CCDC7: variants seen among roughly 807,000 people sequenced by gnomAD.
CCDC7 encodes coiled-coil domain-containing protein 7.
CCDC7 carries 183 observed loss-of-function variants against 196.9 expected under a neutral mutation model. The observed-to-expected ratio is 0.93, with a 90% CI of 0.82 to 1.05. The LOEUF is 1.05. CCDC7 is among the 50% of genes least tolerant of loss of function. The pLI, the probability that CCDC7 is intolerant of heterozygous loss-of-function variation, is 0.00. For synonymous variants in CCDC7, 525 were observed against 484.6 expected, an observed-to-expected ratio of 1.08 and a Z score of -1.10; for missense variants, 1,540 against 1,482.2, an observed-to-expected ratio of 1.04 and a Z score of -0.64.
At chr10:32,640,870 TTTTTTC>T (rs773938312) in intron 20 of CCDC7, among the ~76,000 whole-genome samples, 3,561 of 76,576 alleles carry the variant, frequency 0.047, 89 homozygotes, top group Non-Finnish European at 0.089. Context: ...TTTTCTTTTT[TTTTTTC>T]TTTTTTTTTT....
intron 11 of CCDC7, among the ~76,000 whole-genome samples, chr10:32,533,540 T>C (rs1002529133): frequency 1.3e-5 from 2 of 152,092 alleles, no homozygotes; most frequent in Non-Finnish European, 2.9e-5. Context: ...TGTTTTATTT[T>C]TTTTCAGATT....
intron 30 of CCDC7, among the ~76,000 whole-genome samples, chr10:32,812,848 A>G (rs2087465421): frequency 6.6e-6 from 1 of 152,102 alleles, no homozygotes; most frequent in African/African-American, 2.4e-5. Flanking sequence ...CTTCTTTGAT[A>G]TATCAGTTGA....
At chr10:32,594,641 A>G (rs928977894) in intron 18 of CCDC7, among the ~76,000 whole-genome samples, 1 of 152,174 alleles carries the variant, frequency 6.6e-6, no homozygotes, top group Non-Finnish European at 1.5e-5. Flanking sequence ...TTTCAAAGGG[A>G]ACACTTCCAG....
chr10:32,506,054 A>G (rs1271678643), intron 9 of CCDC7, among the ~76,000 whole-genome samples: 4 of 134,618 alleles, frequency 3.0e-5, no homozygotes, highest in Non-Finnish European at 4.7e-5. Context: ...GACGCTCCTC[A>G]GTTCCTAGAT....
chr10:32,518,039 A>G, intron 10 of CCDC7, 64 bp downstream of exon 11: 2 of 1,501,872 alleles, frequency 1.3e-6, no homozygotes, highest in Non-Finnish European at 1.8e-6. Flanking sequence ...GATTCTAGAA[A>G]TTGTCAGGAT....
chr10:32,621,347 A>G (rs1397042144), intron 18 of CCDC7, among the ~76,000 whole-genome samples: 1 of 152,178 alleles, frequency 6.6e-6, no homozygotes, highest in East Asian at 1.9e-4. Flanking sequence ...TTCCCAATTC[A>G]TGTCCCAGAT....
intron 11 of CCDC7, among the ~76,000 whole-genome samples, chr10:32,537,929 G>T (rs1002506459): frequency 6.6e-6 from 1 of 152,088 alleles, no homozygotes; most frequent in East Asian, 1.9e-4. Flanking sequence ...GGTATGTGAT[G>T]CCTCTAACTT....
At chr10:32,588,534 C>G (rs1317770700) in intron 18 of CCDC7, among the ~76,000 whole-genome samples, 1 of 152,004 alleles carries the variant, frequency 6.6e-6, no homozygotes, top group African/African-American at 2.4e-5. Flanking sequence ...GTGTATGATT[C>G]TTTTAATATG....
intron 25 of CCDC7, among the ~76,000 whole-genome samples, chr10:32,712,318 A>G (rs1268751262): frequency 1.3e-5 from 2 of 152,186 alleles, no homozygotes; most frequent in East Asian, 1.9e-4. Flanking sequence ...GAGCTGGCCA[A>G]AAGCATCGAC....
At chr10:32,856,095 T>G (rs965687074) in intron 41 of CCDC7, among the ~76,000 whole-genome samples, 1 of 152,098 alleles carries the variant, frequency 6.6e-6, no homozygotes, top group African/African-American at 2.4e-5. Context: ...ACCGAAAACC[T>G]AAAACTAAGA....
intron 5 of CCDC7, among the ~76,000 whole-genome samples, chr10:32,466,580 A>G (rs1298939769): frequency 6.6e-6 from 1 of 152,190 alleles, no homozygotes; most frequent in Non-Finnish European, 1.5e-5. Flanking sequence ...AGCTCCATCC[A>G]TGTTCCTGCA....
At chr10:32,539,321 G>A (rs535150006) in intron 11 of CCDC7, among the ~76,000 whole-genome samples, 2 of 152,158 alleles carry the variant, frequency 1.3e-5, no homozygotes, top group Non-Finnish European at 2.9e-5. Context: ...GTGCATAGAG[G>A]CGATCATAGT....
intron 28 of CCDC7, among the ~76,000 whole-genome samples, chr10:32,741,393 A>C (rs11596545): frequency 0.083 from 12,602 of 152,214 alleles, 562 homozygotes; most frequent in East Asian, 0.16. Flanking sequence ...TCTTTGGTTC[A>C]TGAGTCTGTA....
At chr10:32,446,938 C>T (rs2031373034), upstream of CCDC7, among the ~76,000 whole-genome samples, 1 of 33,090 alleles carries the variant, frequency 3.0e-5, no homozygotes, top group African/African-American at 6.3e-5. Flanking sequence ...TCCTTCCCCT[C>T]TTCCCTTCCT....
At chr10:32,881,088 G>A (rs1287044691), downstream of CCDC7, among the ~76,000 whole-genome samples, 1 of 152,154 alleles carries the variant, frequency 6.6e-6, no homozygotes, top group Non-Finnish European at 1.5e-5. Context: ...AGAAGAACAT[G>A]TGATTACTTT....
chr10:32,785,043 A>G (rs2081624728), intron 29 of CCDC7, among the ~76,000 whole-genome samples: 1 of 152,168 alleles, frequency 6.6e-6, no homozygotes, highest in African/African-American at 2.4e-5. Flanking sequence ...TTCAAAATGT[A>G]TGAAGAACTG....
chr10:32,551,789 A>G (rs1483538232), intron 13 of CCDC7, among the ~76,000 whole-genome samples: 2 of 152,114 alleles, frequency 1.3e-5, no homozygotes, highest in Admixed American at 6.5e-5. Context: ...ATTTTCTTAA[A>G]TTTATTGAGG....
At chr10:32,485,202 C>T (rs1457230213) in intron 8 of CCDC7, among the ~76,000 whole-genome samples, 2 of 152,198 alleles carry the variant, frequency 1.3e-5, no homozygotes, top group Non-Finnish European at 2.9e-5. Flanking sequence ...TTCAGAGATT[C>T]AACTTCTTCC....
At chr10:32,673,077 C>T (rs1591431460) in intron 21 of CCDC7, among the ~76,000 whole-genome samples, 2 of 152,222 alleles carry the variant, frequency 1.3e-5, no homozygotes, top group South Asian at 4.1e-4. Flanking sequence ...TGTATTCTTA[C>T]CACCCTTGCA....
Sources: gnomAD v4.1 joint callset for allele counts (sites outside exome capture counted in the v4.1 genomes callset) on GRCh38, gnomAD v4.1.1 for gene constraint, MANE v1.5 for transcripts, NCBI Gene and HGNC (gene_info 2026-07-23, HGNC 2026-07-21) for gene names.